ZNF704: variants seen among roughly 807,000 people sequenced by gnomAD.
The protein encoded by ZNF704 is zinc finger protein 704.
ZNF704 carries 10 observed loss-of-function variants against 44.7 expected under a neutral mutation model. The ratio of observed to expected loss-of-function variants is 0.22; its 90% confidence interval spans 0.14 to 0.38. The LOEUF is 0.38. Among genes scored for constraint, ZNF704 ranks in the 10% least tolerant of loss-of-function variants. The pLI is 1.00. For missense variants in ZNF704, 390 were observed against 545.5 expected, an observed-to-expected ratio of 0.71 and a Z score of 2.84; for synonymous variants, 211 against 207.6, an observed-to-expected ratio of 1.02 and a Z score of -0.14.
intron 2 of ZNF704, among the ~76,000 whole-genome samples, chr8:80,774,386 A>C (rs2129674073): frequency 6.6e-6 from 1 of 152,100 alleles, no homozygotes; most frequent in Admixed American, 6.5e-5. Context: ...TTCTTTTTCT[A>C]ACTGGCTTTC....
At position 80,779,944 on chromosome 8, in the gene ZNF704, A is replaced by C. The variant is rs1807489239; in HGVS notation, c.221+41430T>G. On this transcript the variant is annotated intron_variant, in intron 2 of 8. Coordinates refer to ENST00000327835, the MANE Select transcript of ZNF704 (RefSeq NM_001033723.3). ...TATAATAATAATAATATACCATGTG[A>C]GGTGCCGAAGGCTCAGAGATTCATC... Among the ~76,000 whole-genome samples the C allele has an allele frequency of 2.0e-5, 3 of 151,776 alleles. No homozygotes were observed. In the South Asian group the frequency reaches 6.2e-4, roughly 31 times the overall value.
chr8:80,855,342 G>A (rs983182415), intron 1 of ZNF704, among the ~76,000 whole-genome samples: 5 of 137,138 alleles, frequency 3.6e-5, no homozygotes, highest in African/African-American at 8.0e-5. Flanking sequence ...TCCGGTTCTT[G>A]TCTAAAAAAT....
chr8:80,730,294 T>C (rs926692123), intron 2 of ZNF704, among the ~76,000 whole-genome samples: 4 of 152,010 alleles, frequency 2.6e-5, no homozygotes, highest in Admixed American at 1.3e-4. Flanking sequence ...TCCCAGCACT[T>C]TGGGAGGCCG....
intron 2 of ZNF704, among the ~76,000 whole-genome samples, chr8:80,820,624 G>T (rs1290120429): frequency 6.6e-6 from 1 of 152,024 alleles, no homozygotes; most frequent in Non-Finnish European, 1.5e-5. Flanking sequence ...GGCAGGCCAG[G>T]CACAGTAACT....
intron 2 of ZNF704, among the ~76,000 whole-genome samples, chr8:80,805,898 C>G (rs1807982161): frequency 6.6e-6 from 1 of 152,180 alleles, no homozygotes; most frequent in Non-Finnish European, 1.5e-5. Context: ...TGATCTCTCC[C>G]TAAGCTGCCA....
intron 2 of ZNF704, among the ~76,000 whole-genome samples, chr8:80,740,079 T>C (rs1274603615): frequency 1.3e-5 from 2 of 152,152 alleles, no homozygotes; most frequent in African/African-American, 2.4e-5. Context: ...CAGACAACTG[T>C]CCTCCAGATC....
intron 1 of ZNF704, among the ~76,000 whole-genome samples, chr8:80,857,006 G>T (rs1014562531): frequency 3.3e-5 from 5 of 151,798 alleles, no homozygotes; most frequent in Non-Finnish European, 5.9e-5. Context: ...CATTTATTTA[G>T]GTCTTTGCTC....
At position 80,706,577 on chromosome 8, in the gene ZNF704, G is replaced by C. The variant is rs564538223; in HGVS notation, c.222-13470C>G. Among the ~76,000 whole-genome samples the C allele has an allele frequency of 4.6e-5, 7 of 152,360 alleles. No individual in the cohort carries two copies. In the South Asian group the frequency reaches 1.4e-3, roughly 32 times the overall value. On this transcript the variant is annotated intron_variant, in intron 2 of 8. Coordinates refer to ENST00000327835, the MANE Select transcript of ZNF704 (RefSeq NM_001033723.3). ...GCTCCCCAGGAGCAAGGGGGGATGT[G>C]TCTCCCCTCAGAGAGCAGCTGTGGA... is the stretch of plus-strand genomic sequence containing the variant.
At chr8:80,793,308 C>T (rs1054761254) in intron 2 of ZNF704, among the ~76,000 whole-genome samples, 2 of 151,896 alleles carry the variant, frequency 1.3e-5, no homozygotes, top group African/African-American at 4.8e-5. Context: ...TGGAGAACAC[C>T]AAGTATTGAT....
intron 4 of ZNF704, among the ~76,000 whole-genome samples, chr8:80,685,860 C>T (rs1209595792): frequency 6.6e-6 from 1 of 152,162 alleles, no homozygotes; most frequent in Non-Finnish European, 1.5e-5. Flanking sequence ...CTTTGTTTTC[C>T]TCTTTGAAAT....
At chr8:80,715,498 T>C (rs1187566454) in intron 2 of ZNF704, among the ~76,000 whole-genome samples, 1 of 152,170 alleles carries the variant, frequency 6.6e-6, no homozygotes, top group African/African-American at 2.4e-5. Flanking sequence ...TATTGTGTCT[T>C]CCAATTTCTG....
Position 80,659,668 on chromosome 8 carries a change from G to A in ZNF704, c.949C>T (p.Pro317Ser). 6.2e-7 allele frequency: 1 copy of A among 1,613,960 alleles called. No individual in the cohort carries two copies. The highest frequency in any genetic ancestry group is 2.2e-5 in the East Asian group (1 of 44,876). The part of the protein sequence containing the change: ...AYQATPPVTI[P>S]GSAKFTPNGS... The stretch of plus-strand genomic sequence containing the variant: ...TTGGGGGTGAACTTGGCCGATCCTG[G>A]AATGGTCACAGGGGGTGTGGCCTGT... The change falls in exon 7 of 9, where the codon CCA (proline) becomes TCA (serine). Residue 317 changes from proline (P) to serine (S), a missense_variant. Transcript: ENST00000327835.
rs201748146 is a variant in ZNF704 at position 80,824,948 on chromosome 8, T to C, written c.-21-3333A>G. 7.2e-5 allele frequency among the ~76,000 whole-genome samples: 11 copies of C among 152,074 alleles called. No individual in the cohort carries two copies. The South Asian group carries it at 1.2e-3, about 17-fold the overall frequency. On this transcript the variant is annotated intron_variant, in intron 1 of 8. Coordinates refer to ENST00000327835, the MANE Select transcript of ZNF704 (RefSeq NM_001033723.3). ...AGCACTAAACATGGAAAGGAACAAC[T>C]GGTACCAGCCACTGCAAAAACATGC... is the stretch of plus-strand genomic sequence containing the variant.
intron 2 of ZNF704, among the ~76,000 whole-genome samples, chr8:80,748,527 C>G (rs748011174): frequency 2.0e-5 from 3 of 152,158 alleles, no homozygotes; most frequent in Non-Finnish European, 4.4e-5. Flanking sequence ...CTCAGAAGAT[C>G]CCCCTAGGCC....
chr8:80,707,248 T>A (rs1322552684), intron 2 of ZNF704, among the ~76,000 whole-genome samples: 1 of 152,228 alleles, frequency 6.6e-6, no homozygotes, highest in East Asian at 1.9e-4. Flanking sequence ...AAGACAAACA[T>A]GTAATTTCCT....
At chr8:80,775,505 T>G (rs1378899670) in intron 2 of ZNF704, among the ~76,000 whole-genome samples, 1 of 152,234 alleles carries the variant, frequency 6.6e-6, no homozygotes, top group East Asian at 1.9e-4. Context: ...AGCAAGTTAT[T>G]TTTCAGTGTG....
chr8:80,646,755 G>T (rs749731850), intron 7 of ZNF704, among the ~76,000 whole-genome samples: 10 of 152,122 alleles, frequency 6.6e-5, no homozygotes, highest in Non-Finnish European at 1.0e-4. Context: ...GCAAACTAGA[G>T]GGAGTGAATA....
intron 7 of ZNF704, among the ~76,000 whole-genome samples, chr8:80,649,552 G>A (rs1380977149): frequency 6.6e-6 from 1 of 152,212 alleles, no homozygotes; most frequent in African/African-American, 2.4e-5. Context: ...TACGCCCATG[G>A]AGCCTCACTC....
chr8:80,871,737 C>T (rs1809255869), intron 1 of ZNF704, among the ~76,000 whole-genome samples: 2 of 152,132 alleles, frequency 1.3e-5, no homozygotes, highest in African/African-American at 2.4e-5. Context: ...TTCGTATATG[C>T]ATTATAATAA....
Sources: gnomAD v4.1 joint callset for allele counts (sites outside exome capture counted in the v4.1 genomes callset) on GRCh38, gnomAD v4.1.1 for gene constraint, MANE v1.5 for transcripts, NCBI Gene and HGNC (gene_info 2026-07-23, HGNC 2026-07-21) for gene names.